The following CDCP1 variants were observed in gnomAD, a reference collection of about 807,000 sequenced individuals.
CDCP1 encodes the protein CUB domain-containing protein 1.
In CDCP1, 29 loss-of-function variants were observed where a neutral mutation model predicts 60.2. The ratio of observed to expected loss-of-function variants is 0.48; its 90% CI spans 0.36 to 0.66. CDCP1 has a LOEUF of 0.66. Ranked by LOEUF, CDCP1 falls within the 30% of genes least tolerant of loss-of-function variation. The pLI, the probability that CDCP1 is intolerant of heterozygous loss-of-function variation, is 0.00. For synonymous variants in CDCP1, 387 were observed against 431.1 expected (o/e 0.90, Z 1.27); for missense variants, 876 against 1,074.3 (o/e 0.82, Z 2.58).
At chr3:45,103,259 T>G (rs554242247) in intron 4 of CDCP1, among the ~76,000 whole-genome samples, 3 of 152,328 alleles carry the variant, frequency 2.0e-5, no homozygotes, top group Non-Finnish European at 4.4e-5. Context: ...TCTGGCTTTT[T>G]TTCTCTCTGC....
At chr3:45,116,879 C>T (rs754368345) in intron 2 of CDCP1, among the ~76,000 whole-genome samples, 10 of 152,150 alleles carry the variant, frequency 6.6e-5, no homozygotes, top group Non-Finnish European at 1.2e-4. Context: ...TGGATTTTCA[C>T]ATTTATGATG....
intron 1 of CDCP1, among the ~76,000 whole-genome samples, chr3:45,138,109 G>A (rs1309112939): frequency 6.6e-6 from 1 of 152,220 alleles, no homozygotes; most frequent in Non-Finnish European, 1.5e-5. Context: ...AAATGTAACT[G>A]AGCATGACAA....
At position 45,118,529 on chromosome 3, in the gene CDCP1, C is replaced by T. The variant is rs947687308; in HGVS notation, c.175G>A (p.Val59Ile). The change falls in exon 2 of 9, where the codon GTC (valine) becomes ATC (isoleucine). Residue 59 changes from valine to isoleucine, a missense_variant. Physicochemically the swap from Val to Ile is conservative, Grantham distance 29 (BLOSUM62 3). Around this residue, in one of 2 missense-constraint regions of CDCP1, gnomAD observed 150 missense variants for 138.6 expected, o/e 1.08. Coordinates refer to ENST00000296129, the MANE Select transcript of CDCP1 (RefSeq NM_022842.5). ...ATGGTTATATGTCTTTTAGAAATGA[C>T]GATGTAACAGGGTTTTGCCAGCAGA... The part of the protein sequence containing the change: ...PTLLAKPCYI[V>I]ISKRHITMLS... 10 of 1,614,016 alleles carry T rather than the reference C, an allele frequency of 6.2e-6. No individual in the cohort carries two copies. Among genetic ancestry groups the T allele is most frequent in the Non-Finnish European group, 6.8e-6 (8 of 1,179,952 alleles).
chr3:45,088,943 G>C, intron 8 of CDCP1, 111 bp downstream of exon 8: 2 of 871,666 alleles, frequency 2.3e-6, no homozygotes, highest in Non-Finnish European at 3.7e-6. Context: ...ATTGATCTTT[G>C]GGGGAAAAAA....
At chr3:45,129,948 G>A (rs961449426) in intron 1 of CDCP1, among the ~76,000 whole-genome samples, 1 of 151,974 alleles carries the variant, frequency 6.6e-6, no homozygotes, top group African/African-American at 2.4e-5. Context: ...GTGAACCTGG[G>A]GTGGGGAAGG....
intron 1 of CDCP1, among the ~76,000 whole-genome samples, chr3:45,134,415 C>T (rs1025734444): frequency 7.9e-5 from 12 of 152,334 alleles, no homozygotes; most frequent in African/African-American, 2.6e-4. Context: ...CGGGCCACCG[C>T]GCCCGGCCCA....
rs1338309605 is a variant in CDCP1, at chr3:45,118,577, G to A, written c.127C>T (p.Leu43Phe). The change falls in exon 2 of 9, where the codon CTC becomes TTC. Residue 43 changes from leucine (L) to phenylalanine (F), a missense_variant. By Grantham distance (22) the Leu-to-Phe change is conservative. Transcript: ENST00000296129. ...ALPRESNITV[L>F]IKLGTPTLLA... ...AGAGTCGGGGTCCCCAGCTTTATGA[G>A]AACTGTAATGTTGCTTTCTCGTGGC... The A allele has an allele frequency of 6.2e-7, 1 of 1,613,944 alleles. No homozygotes were observed. Among genetic ancestry groups the A allele is most frequent in the Non-Finnish European group, 8.5e-7 (1 of 1,180,030 alleles).
At position 45,118,500 on chromosome 3, in the gene CDCP1, C is replaced by T; in HGVS notation, c.204G>A (p.Leu68=). Residue 68 remains leucine (L), a synonymous_variant, in exon 2 of 9, where the codon TTG becomes TTA. Transcript: ENST00000296129. ...CTATTCTTTCTCCAGACTTGATGGA[C>T]AACATGGTTATATGTCTTTTAGAAA... ...IVISKRHITM[L]SIKSGERIVF... The T allele has an allele frequency of 6.2e-7, 1 of 1,614,138 alleles. No individual in the cohort carries two copies. Among genetic ancestry groups the T allele is most frequent in the Admixed American group, 1.7e-5 (1 of 60,016 alleles).
intron 4 of CDCP1, among the ~76,000 whole-genome samples, chr3:45,104,627 T>C (rs1289445479): frequency 1.3e-5 from 2 of 152,218 alleles, no homozygotes; most frequent in African/African-American, 4.8e-5. Context: ...CTATTGTTAT[T>C]TTACAGCTGA....
chr3:45,092,377 G>C (rs1170434383), intron 6 of CDCP1, among the ~76,000 whole-genome samples: 1 of 152,164 alleles, frequency 6.6e-6, no homozygotes, highest in Non-Finnish European at 1.5e-5. Flanking sequence ...GTTCTGGGAA[G>C]AGTTCCGGAA....
At chr3:45,127,370 CG>C (rs1699019823) in intron 1 of CDCP1, among the ~76,000 whole-genome samples, 1 of 152,030 alleles carries the variant, frequency 6.6e-6, no homozygotes, top group African/African-American at 2.4e-5. Flanking sequence ...GAGGTCTGCC[CG>C]GGGGGTGTGG....
Position 45,112,036 on chromosome 3 carries a change from T to C in CDCP1, c.655+47A>G, listed in dbSNP as rs775119943. On this transcript the variant is annotated intron_variant, in intron 3 of 8. Coordinates refer to ENST00000296129, the MANE Select transcript of CDCP1 (RefSeq NM_022842.5). Reference sequence around the variant, plus strand: ...CATTTCTGACCTAGAACAATGATGATCTTGTGTGTTTTAACCTAATCAGAT... The same window carrying C: ...CATTTCTGACCTAGAACAATGATGACCTTGTGTGTTTTAACCTAATCAGAT... 29 of 1,582,198 alleles carry C rather than the reference T, an allele frequency of 1.8e-5. No individual in the cohort carries two copies. The highest frequency in any genetic ancestry group is 2.2e-5 in the Non-Finnish European group (26 of 1,163,552).
At chr3:45,118,141 C>T (rs1698824744) in intron 2 of CDCP1, among the ~76,000 whole-genome samples, 1 of 152,198 alleles carries the variant, frequency 6.6e-6, no homozygotes, top group Admixed American at 6.5e-5. Flanking sequence ...GGTTCTTCTC[C>T]TGATCTTCTG....
chr3:45,134,305 T>C (rs1312174170), intron 1 of CDCP1, among the ~76,000 whole-genome samples: 1 of 152,204 alleles, frequency 6.6e-6, no homozygotes, highest in Non-Finnish European at 1.5e-5. Flanking sequence ...TTTGTATTTT[T>C]AGTAGAGACG....
intron 1 of CDCP1, among the ~76,000 whole-genome samples, 158 bp from the exon 2 acceptor site, chr3:45,118,779 G>T (rs550769475): frequency 6.6e-6 from 1 of 152,116 alleles, no homozygotes; most frequent in Non-Finnish European, 1.5e-5. Flanking sequence ...TGACAGTTCC[G>T]ACCTTAGCAA....
At chr3:45,127,686 G>A (rs1699026780) in intron 1 of CDCP1, among the ~76,000 whole-genome samples, 1 of 152,150 alleles carries the variant, frequency 6.6e-6, no homozygotes, top group Non-Finnish European at 1.5e-5. Flanking sequence ...CACTGGTTTG[G>A]AAGTCAAGTA....
At chr3:45,092,038 G>A (rs777409745) in intron 6 of CDCP1, among the ~76,000 whole-genome samples, 5 of 152,132 alleles carry the variant, frequency 3.3e-5, no homozygotes, top group Non-Finnish European at 5.9e-5. Context: ...CAAGTGATCT[G>A]CCTGCCTTGG....
chr3:45,114,584 TC>T (rs1297456001), intron 2 of CDCP1, among the ~76,000 whole-genome samples: 10 of 151,836 alleles, frequency 6.6e-5, no homozygotes, highest in Admixed American at 6.6e-4. Context: ...CTGGGTAATT[TC>T]TTTTGTATTT....
chr3:45,127,409 G>A (rs1699020926), intron 1 of CDCP1, among the ~76,000 whole-genome samples: 1 of 152,204 alleles, frequency 6.6e-6, no homozygotes. Context: ...GGCTGAGTTA[G>A]TGGCAAAAGA....
Sources: allele counts gnomAD v4.1 joint callset (sites outside exome capture counted in the v4.1 genomes callset), GRCh38; gene constraint gnomAD v4.1.1; regional missense constraint gnomAD v4.1.1; transcripts MANE v1.5; gene names NCBI Gene and HGNC (gene_info 2026-07-23, HGNC 2026-07-21).